Variants in CNTRL observed in about 807,000 individuals in gnomAD.
CNTRL encodes the protein centriolin, also known as 110 kDa centrosomal protein.
CNTRL carries 233 observed loss-of-function variants against 303.7 expected under a neutral mutation model. The ratio of observed to expected loss-of-function variants is 0.77; its 90% CI spans 0.69 to 0.86. The LOEUF (loss-of-function observed/expected upper bound fraction) is 0.86, where lower values mean the gene tolerates loss of function less well. CNTRL is among the 40% of genes least tolerant of loss of function. The pLI is 0.00. For missense variants in CNTRL, 2,524 were observed against 2,650.6 expected (o/e 0.95, Z 1.05); for synonymous variants, 900 against 922.2 (o/e 0.98, Z 0.44).
intron 14 of CNTRL, among the ~76,000 whole-genome samples, chr9:121,127,518 G>T (rs1428509250): frequency 1.3e-5 from 2 of 151,508 alleles, no homozygotes; most frequent in Non-Finnish European, 2.9e-5. Flanking sequence ...CTTATATTTT[G>T]AAATAACTCC....
rs980678015 is a variant in CNTRL, at chr9:121,177,519, G to A, written c.*333G>A. 3 of 279,804 alleles carry A rather than the reference G, an allele frequency of 1.1e-5. No individual in the cohort carries two copies. The highest frequency in any genetic ancestry group is 2.0e-5 in the Non-Finnish European group (3 of 151,448). 17.3% of individuals were successfully genotyped at this position (279,804 alleles called of 1,614,324 possible). A position where few individuals can be genotyped will look rare whatever the true frequency, so the allele number is the denominator to read the frequency against. On this transcript the variant is annotated 3_prime_UTR_variant, in exon 44 of 44. Transcript: ENST00000373855. ...GGTAAATCTTATTAACAAAAAGAAT[G>A]TACTTAAGGCCCTCTTTATTTATAG...
intron 31 of CNTRL, among the ~76,000 whole-genome samples, chr9:121,159,581 C>T (rs1057207228): frequency 2.0e-5 from 3 of 151,478 alleles, no homozygotes; most frequent in Admixed American, 6.6e-5. Context: ...TGCAGTGAGC[C>T]GAGATTGCAC....
chr9:121,140,175 C>T (rs1254246673), intron 16 of CNTRL, among the ~76,000 whole-genome samples: 1 of 152,204 alleles, frequency 6.6e-6, no homozygotes, highest in Non-Finnish European at 1.5e-5. Flanking sequence ...TTGTATGTGG[C>T]CCAGCATAGA....
intron 27 of CNTRL, 40 bp downstream of exon 27, chr9:121,154,953 G>A (rs1024996556): frequency 3.2e-6 from 5 of 1,544,370 alleles, no homozygotes; most frequent in East Asian, 2.2e-5. Flanking sequence ...CTCAGTGTGG[G>A]TGAGTCAGCT....
intron 6 of CNTRL, among the ~76,000 whole-genome samples, chr9:121,097,467 A>T (rs2048937956): frequency 6.6e-6 from 1 of 152,204 alleles, no homozygotes; most frequent in Non-Finnish European, 1.5e-5. Flanking sequence ...AACACTAAAT[A>T]AGTCTAAAGC....
In CNTRL at chr9:121,090,331, A is replaced by G. The variant is rs750208625; in HGVS notation, c.274A>G (p.Thr92Ala). 1.9e-6 allele frequency: 3 copies of G among 1,612,616 alleles called. No individual in the cohort carries two copies. In the African/African-American group the frequency reaches 4.0e-5, roughly 22 times the overall value. ...YITEALIKKL[T>A]KQDNLALIKS... Reference sequence around the variant, plus strand: ...TACAGAGGCCCTCATTAAAAAACTTACTAAACAGGATAATTTGGCTTTGAT... The same window carrying G: ...TACAGAGGCCCTCATTAAAAAACTTGCTAAACAGGATAATTTGGCTTTGAT... The change falls in exon 4 of 44, where the codon ACT (threonine) becomes GCT (alanine). Residue 92 changes from threonine to alanine, a missense_variant. By Grantham distance (58) the Thr-to-Ala change is moderately conservative (BLOSUM62 0). Transcript: ENST00000373855.
In CNTRL at chr9:121,162,072, A is replaced by C; in HGVS notation, c.5224A>C (p.Asn1742His). Residue 1742 changes from asparagine (N) to histidine (H), a missense_variant, in exon 34 of 44, where the codon AAT becomes CAT. Coordinates refer to ENST00000373855, the MANE Select transcript of CNTRL (RefSeq NM_007018.6). ...GATTTAGGAGAAACTGGAGTTAGAG[A>C]ATTTGCAGCAGATATCCCAGCAGCA... is the stretch of plus-strand genomic sequence containing the variant. ...AVLEEKLELE[N>H]LQQISQQQKG... 3 of 1,614,192 alleles carry C rather than the reference A, an allele frequency of 1.9e-6. No individual in the cohort carries two copies. Among genetic ancestry groups the C allele is most frequent in the Non-Finnish European group, 2.5e-6 (3 of 1,180,018 alleles).
chr9:121,177,293 A>AGATTCTG lies in CNTRL; in HGVS notation c.*108_*114dup. On this transcript the variant is annotated 3_prime_UTR_variant, in exon 44 of 44. Transcript: ENST00000373855. ...TTTTTAATCAAGATGCAGTGAACTG[A>AGATTCTG]GATTCTGAAACTCCACTGTAGTTTA... 1 of 942,408 alleles carries AGATTCTG rather than the reference A, an allele frequency of 1.1e-6. No individual in the cohort carries two copies. The highest frequency in any genetic ancestry group is 1.7e-6 in the Non-Finnish European group (1 of 595,708). The allele number at this position is 942,408 out of a possible 1,614,324, so 58.4% of individuals were successfully genotyped here.
chr9:121,090,370 C>T lies in CNTRL; in HGVS notation c.313C>T (p.Leu105Phe). 1.2e-6 allele frequency: 2 copies of T among 1,611,734 alleles called. No individual in the cohort carries two copies. ...TTTGGCTTTGATAAAATCTCTGAACCTTTCACTTTCTAAAGACGGTGGCAA... is the reference window on the plus strand; with the variant it reads ...TTTGGCTTTGATAAAATCTCTGAACTTTTCACTTTCTAAAGACGGTGGCAA... ...DNLALIKSLN[L>F]SLSKDGGKKF... Residue 105 changes from leucine to phenylalanine, a missense_variant, in exon 4 of 44, where the codon CTT becomes TTT. Coordinates refer to ENST00000373855, the MANE Select transcript of CNTRL (RefSeq NM_007018.6).
At chr9:121,129,813 A>G (rs970749005) in intron 14 of CNTRL, among the ~76,000 whole-genome samples, 3 of 152,208 alleles carry the variant, frequency 2.0e-5, no homozygotes, top group Admixed American at 2.0e-4. Context: ...CGTGCCATCA[A>G]TACCTAGTTT....
At chr9:121,135,550 A>G (rs540507210) in intron 14 of CNTRL, among the ~76,000 whole-genome samples, 4 of 152,344 alleles carry the variant, frequency 2.6e-5, no homozygotes, top group South Asian at 4.1e-4. Flanking sequence ...ACTCATAAGT[A>G]TCACAGAACT....
intron 4 of CNTRL, among the ~76,000 whole-genome samples, chr9:121,093,210 A>T (rs2048743678): frequency 6.6e-6 from 1 of 152,136 alleles, no homozygotes; most frequent in African/African-American, 2.4e-5. Context: ...CCTGGCCCAT[A>T]ATCCATGTTT....
chr9:121,120,459 A>G (rs1050118466), intron 12 of CNTRL, among the ~76,000 whole-genome samples: 5 of 152,288 alleles, frequency 3.3e-5, no homozygotes, highest in Non-Finnish European at 4.4e-5. Context: ...ACTTTATTGC[A>G]TATGTTTGTT....
chr9:121,101,424 A>G (rs965146449), intron 7 of CNTRL, among the ~76,000 whole-genome samples: 2 of 152,250 alleles, frequency 1.3e-5, no homozygotes, highest in African/African-American at 4.8e-5. Context: ...AATGTATAGC[A>G]CTAAATGCCC....
Position 121,088,808 on chromosome 9 carries a change from C to T in CNTRL, c.217+265C>T, listed in dbSNP as rs536729271. Among the ~76,000 whole-genome samples, 73 of 152,290 alleles carry T rather than the reference C, an allele frequency of 4.8e-4. No individual in the cohort carries two copies. The South Asian group carries it at 0.013, about 26-fold the overall frequency. On this transcript the variant is annotated intron_variant, in intron 3 of 43. Coordinates refer to ENST00000373855, the MANE Select transcript of CNTRL (RefSeq NM_007018.6). ...TAGGAGAGTGTCTTAAAACTCATCC[C>T]AAAACTTGCCATCCTCTTTGGTTAA...
intron 34 of CNTRL, among the ~76,000 whole-genome samples, chr9:121,163,032 A>G (rs191435873): frequency 2.2e-4 from 33 of 152,248 alleles, no homozygotes; most frequent in African/African-American, 7.7e-4. Context: ...CACTATGTAT[A>G]ATATATAAAT....
chr9:121,168,672 A>C (rs186284279), intron 38 of CNTRL, among the ~76,000 whole-genome samples: 190 of 152,354 alleles, frequency 1.2e-3, no homozygotes, highest in African/African-American at 4.2e-3. Context: ...CAAAAAAATC[A>C]TATTAACAGT....
At position 121,141,579 on chromosome 9, in the gene CNTRL, G is replaced by A. The variant is rs759678939; in HGVS notation, c.2682G>A (p.Leu894=). The A allele has an allele frequency of 6.2e-7, 1 of 1,613,912 alleles. No individual in the cohort carries two copies. The highest frequency in any genetic ancestry group is 8.5e-7 in the Non-Finnish European group (1 of 1,179,928). Residue 894 remains leucine (L), a synonymous_variant, in exon 18 of 44, where the codon CTG becomes CTA. Transcript: ENST00000373855. ...TCAGGCAGGCCTGTGAGAGAGCCCTGGAAGCAAGAGTAAGACAAGGGCAAG... is the reference window on the plus strand; with the variant it reads ...TCAGGCAGGCCTGTGAGAGAGCCCTAGAAGCAAGAGTAAGACAAGGGCAAG... ...EEFRQACERA[L]EARMNFDKRQ...
At chr9:121,102,252 A>C (rs1441709323) in intron 7 of CNTRL, among the ~76,000 whole-genome samples, 2 of 152,242 alleles carry the variant, frequency 1.3e-5, no homozygotes, top group Non-Finnish European at 2.9e-5. Context: ...CAACATACAC[A>C]AATTGATAAA....
Sources: allele counts gnomAD v4.1 joint callset (sites outside exome capture counted in the v4.1 genomes callset), GRCh38; gene constraint gnomAD v4.1.1; transcripts MANE v1.5; gene names NCBI Gene and HGNC (gene_info 2026-07-23, HGNC 2026-07-21).